HPD: variants seen among roughly 807,000 people sequenced by gnomAD.
HPD encodes the protein 4-hydroxyphenylpyruvate dioxygenase, also known as 4-hydroxyphenylpyruvic acid oxidase.
In HPD, 35 loss-of-function variants were observed where a neutral mutation model predicts 56.9. That is an observed-to-expected ratio of 0.62 (90% CI 0.47 to 0.82). HPD has a LOEUF of 0.82. HPD is among the 40% of genes least tolerant of loss of function. The pLI, the probability that HPD is intolerant of heterozygous loss-of-function variation, is 0.00. For missense variants in HPD, 442 were observed against 506.8 expected (o/e 0.87, Z 1.23); for synonymous variants, 186 against 200.2 (o/e 0.93, Z 0.60).
At chr12:121,863,283 C>T (rs1435402840), upstream of HPD, among the ~76,000 whole-genome samples, 1 of 152,224 alleles carries the variant, frequency 6.6e-6, no homozygotes, top group Non-Finnish European at 1.5e-5. Context: ...TGCGCCCAGC[C>T]AGCTCTGCAT....
In HPD at chr12:121,857,838, G is replaced by C. The variant is rs202050898; in HGVS notation, c.31-19C>G. On this transcript the variant is annotated intron_variant, in intron 2 of 13. Coordinates refer to ENST00000289004, the MANE Select transcript of HPD (RefSeq NM_002150.3). ...TCTCAGGCTGCAGAAGGAGAGAAGAGGTGAGGTTGAGTCCCTGAAAGTGAG... is the reference window on the plus strand; with the variant it reads ...TCTCAGGCTGCAGAAGGAGAGAAGACGTGAGGTTGAGTCCCTGAAAGTGAG... 2 of 1,607,444 alleles carry C rather than the reference G, an allele frequency of 1.2e-6. No homozygotes were observed. Among genetic ancestry groups the C allele is most frequent in the East Asian group, 4.5e-5 (2 of 44,834 alleles).
At chr12:121,867,432 C>CA (rs1592928368), upstream of HPD, among the ~76,000 whole-genome samples, 1 of 145,936 alleles carries the variant, frequency 6.9e-6, no homozygotes, top group East Asian at 2.0e-4. Flanking sequence ...CTTTTCTTTT[C>CA]TTTTTTTTTT....
At chr12:121,865,233 A>G (rs1437692599), upstream of HPD, among the ~76,000 whole-genome samples, 1 of 151,206 alleles carries the variant, frequency 6.6e-6, no homozygotes, top group East Asian at 2.0e-4. Context: ...ATGCCAGTGC[A>G]CTCTAACCTG....
chr12:121,840,531 C>T (rs983573750), intron 12 of HPD, among the ~76,000 whole-genome samples: 18 of 152,162 alleles, frequency 1.2e-4, no homozygotes, highest in African/African-American at 4.1e-4. Context: ...AACTCCTGAC[C>T]TCAGGTGATC....
At chr12:121,856,988 C>T (rs1566574325) in intron 4 of HPD, 2 of 500,100 alleles carry the variant, frequency 4.0e-6, no homozygotes, top group South Asian at 4.3e-5. Flanking sequence ...CTAGGAAGGG[C>T]CGTGTTGCAT....
At chr12:121,865,768 TC>T (rs1878310738), upstream of HPD, among the ~76,000 whole-genome samples, 1 of 151,062 alleles carries the variant, frequency 6.6e-6, no homozygotes, top group African/African-American at 2.4e-5. Context: ...AGCGGGAGGA[TC>T]ACCTGAGGTC....
rs770817052 is a variant in HPD, at chr12:121,843,702, G to A, written c.954+8C>T. The A allele has an allele frequency of 1.2e-6, 2 of 1,613,910 alleles. No homozygotes were observed. The highest frequency in any genetic ancestry group is 1.1e-5 in the South Asian group (1 of 91,056). On this transcript the variant is annotated splice_region_variant and intron_variant, in intron 12 of 13. Transcript: ENST00000289004. ...CCCACAAGGCTGCGGATCCTGCCTG[G>A]GCCTCACCTCCAGGGCATCAATGTT... is the stretch of plus-strand genomic sequence containing the variant.
chr12:121,872,402 T>G, the HPD span, among the ~76,000 whole-genome samples: 1 of 151,712 alleles, frequency 6.6e-6, no homozygotes, highest in Admixed American at 6.6e-5. Context: ...TAGTTTCTTT[T>G]GTATTTTTAG....
At chr12:121,854,093 C>T (rs924298436) in intron 7 of HPD, among the ~76,000 whole-genome samples, 1 of 151,712 alleles carries the variant, frequency 6.6e-6, no homozygotes, top group Admixed American at 6.6e-5. Flanking sequence ...ACTAAAAATA[C>T]AAAAAAGAAA....
chr12:121,851,695 A>ATTTTTTTTTT (rs1566571716), intron 7 of HPD, among the ~76,000 whole-genome samples: 1 of 1,980 alleles, frequency 5.1e-4, no homozygotes, highest in African/African-American at 2.4e-3. Context: ...TTATTTATTT[A>ATTTTTTTTTT]TTTATTTTTT....
rs1342068341 is a variant in HPD, at chr12:121,858,856, A to G, written c.-33T>C. Reference sequence around the variant, plus strand: ...CTTAGTCAAACCTCCTACTGGGACTAGAGGCCTGGGGAGTGCTGGGCCGGA... The same window carrying G: ...CTTAGTCAAACCTCCTACTGGGACTGGAGGCCTGGGGAGTGCTGGGCCGGA... On this transcript the variant is annotated 5_prime_UTR_variant, in exon 1 of 14. Coordinates refer to ENST00000289004, the MANE Select transcript of HPD (RefSeq NM_002150.3). 6.2e-7 allele frequency: 1 copy of G among 1,613,946 alleles called. No homozygotes were observed. The highest frequency in any genetic ancestry group is 1.7e-5 in the Admixed American group (1 of 60,018).
the HPD span, among the ~76,000 whole-genome samples, chr12:121,872,517 C>T: frequency 1.3e-5 from 2 of 151,958 alleles, no homozygotes; most frequent in Admixed American, 1.3e-4. Flanking sequence ...AGGCATGAGC[C>T]ACCGTGCCTG....
chr12:121,856,709 G>A lies in HPD; in HGVS notation c.199-84C>T, dbSNP rs532550256. 3.3e-3 allele frequency: 4,177 copies of A among 1,272,942 alleles called. 9 individuals are homozygous for A. Among genetic ancestry groups the A allele is most frequent in the Non-Finnish European group, 4.0e-3 (3,496 of 877,184 alleles). The allele number at this position is 1,272,942 out of a possible 1,614,324, so 78.9% of individuals were successfully genotyped here. On this transcript the variant is annotated intron_variant, in intron 4 of 13. Transcript: ENST00000289004. ...CCCATCGGCCCCTCCCTGCCGACCC[G>A]AAACACCCCTGATGGAGCACAAGAA... is the stretch of plus-strand genomic sequence containing the variant.
chr12:121,869,355 A>C, the HPD span, among the ~76,000 whole-genome samples: 1 of 7,566 alleles, frequency 1.3e-4, no homozygotes, highest in African/African-American at 5.9e-4. Flanking sequence ...CGTCTCAAAA[A>C]AAAAAAAAAA....
chr12:121,861,700 G>A (rs995920923), upstream of HPD, among the ~76,000 whole-genome samples: 1 of 152,134 alleles, frequency 6.6e-6, no homozygotes, highest in African/African-American at 2.4e-5. Context: ...AAACCACACA[G>A]CTGACCCTTA....
At chr12:121,857,142 C>A (rs573419690) in intron 4 of HPD, 186 bp downstream of exon 4, 5 of 591,290 alleles carry the variant, frequency 8.5e-6, no homozygotes, top group African/African-American at 1.9e-5. Flanking sequence ...TGCAGTGGCA[C>A]GACGTTGGCT....
the HPD span, chr12:121,874,455 TA>T: frequency 6.6e-6 from 1 of 151,796 alleles, no homozygotes; most frequent in African/African-American, 2.4e-5. Flanking sequence ...CCATCTCTGC[TA>T]AAAATACAAA....
chr12:121,864,782 C>T (rs1218869887), upstream of HPD, among the ~76,000 whole-genome samples: 1 of 150,942 alleles, frequency 6.6e-6, no homozygotes, highest in Admixed American at 6.6e-5. Flanking sequence ...GAACCCGGGG[C>T]GCGGAGCTTG....
intron 7 of HPD, among the ~76,000 whole-genome samples, chr12:121,850,118 G>T (rs1877716224): frequency 6.6e-6 from 1 of 151,952 alleles, no homozygotes; most frequent in African/African-American, 2.4e-5. Flanking sequence ...GGAGGGCATT[G>T]GATTAAATTA....
Sources: gnomAD v4.1 joint callset for allele counts (sites outside exome capture counted in the v4.1 genomes callset) on GRCh38, gnomAD v4.1.1 for gene constraint, MANE v1.5 for transcripts, NCBI Gene and HGNC (gene_info 2026-07-23, HGNC 2026-07-21) for gene names.